PCDH15: variants seen among roughly 807,000 people sequenced by gnomAD.
PCDH15 encodes the protein protocadherin related 15.
PCDH15 carries 129 observed loss-of-function variants against 178.5 expected under a neutral mutation model. That is an observed-to-expected ratio of 0.72 (90% CI 0.63 to 0.84). The LOEUF is 0.84. PCDH15 is among the 40% of genes least tolerant of loss of function. The pLI, the probability that PCDH15 is intolerant of heterozygous loss-of-function variation, is 0.00. For missense variants in PCDH15, 2,230 were observed against 2,099.9 expected (o/e 1.06, Z -1.21); for synonymous variants, 800 against 732.0 (o/e 1.09, Z -1.50).
intron 2 of PCDH15, among the ~76,000 whole-genome samples, chr10:54,905,884 T>G (rs376127865): frequency 4.6e-5 from 7 of 152,124 alleles, no homozygotes; most frequent in Non-Finnish European, 1.0e-4. Context: ...TGCAGCAGAT[T>G]AACCGATTTA....
rs905907928 is a variant in PCDH15 at position 54,457,347 on chromosome 10, T to C, written c.157+70465A>G. On this transcript the variant is annotated intron_variant, in intron 3 of 37. Transcript: ENST00000644397. ...ATATTAGGAAGATTAAAACCCATAA[T>C]GTAATGTACTGTTTGACAGCCAAAG... Among the ~76,000 whole-genome samples the C allele has an allele frequency of 9.8e-5, 15 of 152,328 alleles. No individual in the cohort carries two copies. In the East Asian group the frequency reaches 2.9e-3, roughly 29 times the overall value.
At chr10:54,779,433 T>TAG (rs1950060955) in intron 1 of PCDH15, among the ~76,000 whole-genome samples, 1 of 108,164 alleles carries the variant, frequency 9.2e-6, no homozygotes, top group African/African-American at 3.1e-5. Flanking sequence ...CACACACATA[T>TAG]GTGTATATAT....
Position 54,050,577 on chromosome 10 carries a change from T to C in PCDH15, c.2220+16180A>G, listed in dbSNP as rs1459857924. 2.0e-5 allele frequency among the ~76,000 whole-genome samples: 3 copies of C among 152,308 alleles called. No homozygotes were observed. In the East Asian group the frequency reaches 5.8e-4, roughly 29 times the overall value. On this transcript the variant is annotated intron_variant, in intron 18 of 37. Transcript: ENST00000644397. ...AATTTAATTCAGTTCTTTCTGATTC[T>C]AGTTATTTGTTCTCTTTTGCTAGAC...
At chr10:54,495,754 T>G (rs916873472) in intron 3 of PCDH15, among the ~76,000 whole-genome samples, 6 of 152,204 alleles carry the variant, frequency 3.9e-5, no homozygotes, top group Admixed American at 1.3e-4. Flanking sequence ...ATTTCAGGTC[T>G]GTGTCCAAAA....
chr10:55,561,701 C>A (rs531317084), intron 2 of PCDH15, among the ~76,000 whole-genome samples: 1 of 151,636 alleles, frequency 6.6e-6, no homozygotes, highest in African/African-American at 2.4e-5. Flanking sequence ...CAAGGAAATA[C>A]CAGAGTAAAC....
chr10:54,792,816 T>C (rs1181475986), intron 1 of PCDH15, among the ~76,000 whole-genome samples: 1 of 151,858 alleles, frequency 6.6e-6, no homozygotes, highest in Non-Finnish European at 1.5e-5. Context: ...ATTCATTCTG[T>C]ATCTCCAGAG....
chr10:55,428,662 A>AT (rs774843992), intron 2 of PCDH15, among the ~76,000 whole-genome samples: 19 of 151,776 alleles, frequency 1.3e-4, no homozygotes, highest in Non-Finnish European at 2.5e-4. Context: ...TTACTTTTTT[A>AT]TTCAATCTGA....
intron 2 of PCDH15, among the ~76,000 whole-genome samples, chr10:55,463,347 G>T (rs1839721055): frequency 6.6e-6 from 1 of 151,928 alleles, no homozygotes; most frequent in Non-Finnish European, 1.5e-5. Context: ...AGCCTATGAG[G>T]CATAACAAAA....
At chr10:54,020,140 C>T in intron 20 of PCDH15, 52 bp downstream of exon 20, 1 of 1,503,388 alleles carries the variant, frequency 6.7e-7, no homozygotes, top group Non-Finnish European at 9.2e-7. Flanking sequence ...GGAACAAAAC[C>T]TACATGTAGA....
chr10:55,035,871 T>TAAAA (rs1840722675), intron 2 of PCDH15, among the ~76,000 whole-genome samples: 2 of 152,174 alleles, frequency 1.3e-5, no homozygotes, highest in Admixed American at 1.3e-4. Flanking sequence ...ATTTTTTTTA[T>TAAAA]AATACTTTGG....
chr10:55,193,168 C>T (rs538946286), intron 1 of PCDH15, among the ~76,000 whole-genome samples: 3 of 151,524 alleles, frequency 2.0e-5, no homozygotes, highest in East Asian at 1.9e-4. Context: ...GGAATTTTTC[C>T]CCTCACGAGT....
chr10:54,530,013 T>C (rs2132708134), intron 2 of PCDH15, among the ~76,000 whole-genome samples: 1 of 152,132 alleles, frequency 6.6e-6, no homozygotes, highest in East Asian at 1.9e-4. Flanking sequence ...GAGGAATAAA[T>C]ATTTAATCAA....
intron 8 of PCDH15, among the ~76,000 whole-genome samples, chr10:54,252,377 T>C (rs1022892740): frequency 5.3e-5 from 8 of 152,176 alleles, no homozygotes; most frequent in Admixed American, 4.6e-4. Flanking sequence ...GAAAATGACA[T>C]CACAGAAGAG....
intron 1 of PCDH15, among the ~76,000 whole-genome samples, chr10:54,701,840 C>T (rs1398612609): frequency 1.3e-5 from 2 of 152,006 alleles, no homozygotes; most frequent in Admixed American, 6.6e-5. Flanking sequence ...ACTTAGATAA[C>T]CACACACCAG....
chr10:55,597,938 A>G (rs1222368087), intron 2 of PCDH15, among the ~76,000 whole-genome samples: 1 of 152,116 alleles, frequency 6.6e-6, no homozygotes, highest in African/African-American at 2.4e-5. Flanking sequence ...AATTACACAT[A>G]CAAGCATCCC....
chr10:54,011,578 C>T (rs1374518016), intron 20 of PCDH15, among the ~76,000 whole-genome samples: 1 of 152,182 alleles, frequency 6.6e-6, no homozygotes, highest in Non-Finnish European at 1.5e-5. Context: ...TGAGAAGGGG[C>T]ACAACAATCC....
At position 54,310,730 on chromosome 10, in the gene PCDH15, A is replaced by G. The variant is rs2060850223; in HGVS notation, c.876+6541T>C. On this transcript the variant is annotated intron_variant, in intron 8 of 37. Coordinates refer to ENST00000644397, the MANE Select transcript of PCDH15 (RefSeq NM_001384140.1). ...ACTCTATATAGGTTTGCTCAACTCA[A>G]TCTTAGTAAAACAATAAGGGAGAAA... 1.3e-5 allele frequency among the ~76,000 whole-genome samples: 2 copies of G among 152,052 alleles called. 1 individual carries two copies. The highest frequency in any genetic ancestry group is 2.9e-5 in the Non-Finnish European group (2 of 67,978).
chr10:55,325,703 T>C (rs1342753306), intron 2 of PCDH15, among the ~76,000 whole-genome samples: 2 of 151,834 alleles, frequency 1.3e-5, no homozygotes, highest in African/African-American at 4.8e-5. Context: ...AAGCAAAAAT[T>C]GACAAATGGG....
At chr10:53,951,568 CAA>C (rs1399666662) in intron 23 of PCDH15, among the ~76,000 whole-genome samples, 1 of 152,286 alleles carries the variant, frequency 6.6e-6, no homozygotes, top group East Asian at 1.9e-4. Flanking sequence ...AAAAGAGAAA[CAA>C]TGCATGTGGA....
Sources: allele counts gnomAD v4.1 joint callset (sites outside exome capture counted in the v4.1 genomes callset), GRCh38; gene constraint gnomAD v4.1.1; transcripts MANE v1.5; gene names NCBI Gene and HGNC (gene_info 2026-07-23, HGNC 2026-07-21).